FBXO40: variants seen among roughly 807,000 people sequenced by gnomAD.
FBXO40 encodes F-box protein 40, also known as F-box only protein 40.
A neutral mutation model predicts 49.9 loss-of-function variants in FBXO40; 50 were observed. The observed-to-expected ratio is 1.00, with a 90% CI of 0.80 to 1.27. The LOEUF (loss-of-function observed/expected upper bound fraction) is 1.27, where lower values mean the gene tolerates loss of function less well. FBXO40 is among the 50% of genes most tolerant of loss of function. The pLI is 0.00. For synonymous variants in FBXO40, 340 were observed against 320.2 expected, an observed-to-expected ratio of 1.06 and a Z score of -0.66; for missense variants, 895 against 870.1, an observed-to-expected ratio of 1.03 and a Z score of -0.36.
rs1444673229 is a variant in FBXO40 at position 121,626,746 on chromosome 3, G to C, written c.1966G>C (p.Glu656Gln). 1.9e-6 allele frequency: 3 copies of C among 1,614,170 alleles called. No homozygotes were observed. The highest frequency in any genetic ancestry group is 2.5e-6 in the Non-Finnish European group (3 of 1,180,022). The change falls in exon 4 of 4, where the codon GAA becomes CAA. Residue 656 changes from glutamate (E) to glutamine (Q), a missense_variant. Physicochemically the swap from Glu to Gln is conservative, Grantham distance 29 (BLOSUM62 2). Coordinates refer to ENST00000338040, the MANE Select transcript of FBXO40 (RefSeq NM_016298.4). ...FSKIKSWEFN[E>Q]VTSMSEHLKS... ...CAAAATCAAGAGCTGGGAGTTTAAT[G>C]AAGTCACCTCCATGTCTGAGCACCT...
intron 1 of FBXO40, among the ~76,000 whole-genome samples, chr3:121,606,500 C>G (rs768145432): frequency 7.2e-5 from 11 of 152,150 alleles, no homozygotes; most frequent in Non-Finnish European, 1.3e-4. Context: ...GGTTAAATAC[C>G]CTAGTTGAAC....
At chr3:121,609,086 C>T (rs1301434740) in intron 1 of FBXO40, among the ~76,000 whole-genome samples, 1 of 152,072 alleles carries the variant, frequency 6.6e-6, no homozygotes, top group Non-Finnish European at 1.5e-5. Flanking sequence ...CCTAAAAAGG[C>T]CCACATAGGT....
chr3:121,614,459 G>A (rs923610942), intron 1 of FBXO40, among the ~76,000 whole-genome samples: 1 of 151,386 alleles, frequency 6.6e-6, no homozygotes, highest in African/African-American at 2.4e-5. Context: ...AAAAGAAAAA[G>A]AAAATGCTAA....
chr3:121,626,758 A>G lies in FBXO40; in HGVS notation c.1978A>G (p.Met660Val), dbSNP rs2049063225. The change falls in exon 4 of 4, where the codon ATG becomes GTG. Residue 660 changes from methionine to valine, a missense_variant. Met to Val is a conservative substitution (Grantham distance 21). Coordinates refer to ENST00000338040, the MANE Select transcript of FBXO40 (RefSeq NM_016298.4). ...CTGGGAGTTTAATGAAGTCACCTCC[A>G]TGTCTGAGCACCTGAAGTCCTGTCC... ...KSWEFNEVTS[M>V]SEHLKSCPFN... is the part of the protein sequence containing the mutation. 6.2e-7 allele frequency: 1 copy of G among 1,614,174 alleles called. No individual in the cohort carries two copies. The highest frequency in any genetic ancestry group is 8.5e-7 in the Non-Finnish European group (1 of 1,180,034).
At position 121,627,138 on chromosome 3, in the gene FBXO40, T is replaced by G; in HGVS notation, c.*228T>G. The G allele has an allele frequency of 3.8e-6, 2 of 527,716 alleles. No individual in the cohort carries two copies. The highest frequency in any genetic ancestry group is 6.8e-6 in the Non-Finnish European group (2 of 295,638). The allele number at this position is 527,716 out of a possible 1,614,324, so 32.7% of individuals were successfully genotyped here. A position where few individuals can be genotyped will look rare whatever the true frequency, so the allele number is the denominator to read the frequency against. On this transcript the variant is annotated 3_prime_UTR_variant, in exon 4 of 4. Coordinates refer to ENST00000338040, the MANE Select transcript of FBXO40 (RefSeq NM_016298.4). Reference sequence around the variant, plus strand: ...TGATGACTTGTTTCCTTTTTTCTTTTCTTTTCTTTTCTTTTTTCTTTCTTT... The same window carrying G: ...TGATGACTTGTTTCCTTTTTTCTTTGCTTTTCTTTTCTTTTTTCTTTCTTT...
chr3:121,603,757 C>T (rs1229970028), intron 1 of FBXO40, among the ~76,000 whole-genome samples: 4 of 151,920 alleles, frequency 2.6e-5, no homozygotes, highest in African/African-American at 9.7e-5. Context: ...CTCACTCTGT[C>T]GCCCAGGCTG....
intron 2 of FBXO40, 86 bp from the exon 3 acceptor site, chr3:121,621,347 T>TG (rs2049028334): frequency 2.5e-6 from 3 of 1,208,698 alleles, no homozygotes; most frequent in Middle Eastern, 2.7e-4. Flanking sequence ...ACAGGAAATA[T>TG]GTCAATTAAA....
intron 1 of FBXO40, among the ~76,000 whole-genome samples, chr3:121,599,234 G>A (rs1218700140): frequency 2.6e-5 from 4 of 152,124 alleles, no homozygotes; most frequent in Non-Finnish European, 5.9e-5. Context: ...TTGGGAGGCC[G>A]AGGTGGGCGG....
At chr3:121,612,689 C>T (rs188828223) in intron 1 of FBXO40, among the ~76,000 whole-genome samples, 14 of 152,102 alleles carry the variant, frequency 9.2e-5, no homozygotes, top group Admixed American at 7.2e-4. Context: ...CAAATCAAGC[C>T]GAAGTATAGT....
chr3:121,613,863 T>A (rs1388277356), intron 1 of FBXO40, among the ~76,000 whole-genome samples: 1 of 152,238 alleles, frequency 6.6e-6, no homozygotes, highest in East Asian at 1.9e-4. Flanking sequence ...CCGGGCATTG[T>A]GGCTCACGCC....
Position 121,627,966 on chromosome 3 carries a change from G to C in FBXO40, c.*1056G>C. 1 of 398,542 alleles carries C rather than the reference G, an allele frequency of 2.5e-6. No homozygotes were observed. The allele number at this position is 398,542 out of a possible 1,614,324, so 24.7% of individuals were successfully genotyped here. On this transcript the variant is annotated 3_prime_UTR_variant, in exon 4 of 4. Coordinates refer to ENST00000338040, the MANE Select transcript of FBXO40 (RefSeq NM_016298.4). ...GAGAGGAAGACATGTGAACATAACG[G>C]CTCCCTGAAATTGCTCCTACCCATC...
Position 121,621,814 on chromosome 3 carries a change from C to T in FBXO40, c.385C>T (p.Leu129=), listed in dbSNP as rs1017101413. ...CAGTGAGGAGTGTTTGGACACAGCC[C>T]TGGCCCTGCAGGATCAGAAGGTCCT... The part of the protein sequence containing the change: ...TPSEECLDTA[L]ALQDQKVLFR... Residue 129 remains leucine (L), a synonymous_variant, in exon 3 of 4, where the codon CTG becomes TTG. Transcript: ENST00000338040. 6 of 1,614,072 alleles carry T rather than the reference C, an allele frequency of 3.7e-6. No individual in the cohort carries two copies. The highest frequency in any genetic ancestry group is 3.3e-5 in the Admixed American group (2 of 60,006).
chr3:121,613,802 G>A (rs1437689534), intron 1 of FBXO40, among the ~76,000 whole-genome samples: 1 of 152,168 alleles, frequency 6.6e-6, no homozygotes, highest in Non-Finnish European at 1.5e-5. Flanking sequence ...GACAAGTGGC[G>A]AATTAAGTCA....
At chr3:121,615,983 C>T (rs2048995638) in intron 1 of FBXO40, among the ~76,000 whole-genome samples, 1 of 152,156 alleles carries the variant, frequency 6.6e-6, no homozygotes, top group South Asian at 2.1e-4. Context: ...AATCACTTCT[C>T]TAAGGCCCCA....
At position 121,629,640 on chromosome 3, in the gene FBXO40, C is replaced by A. The variant is rs1434015099; in HGVS notation, c.*2730C>A. On this transcript the variant is annotated 3_prime_UTR_variant, in exon 4 of 4. Transcript: ENST00000338040. ...GCCTTGGTTCAGGAGAGTGGCACTG[C>A]CCACAACTGCTTTGTGGGTTGTGCA... The A allele has an allele frequency of 1.3e-5, 2 of 152,166 alleles. No homozygotes were observed. The highest frequency in any genetic ancestry group is 2.4e-5 in the African/African-American group (1 of 41,422). The allele number at this position is 152,166 out of a possible 1,614,324, so 9.4% of individuals were successfully genotyped here. A position where few individuals can be genotyped will look rare whatever the true frequency, so the allele number is the denominator to read the frequency against.
chr3:121,600,691 AAGAC>A (rs1200849135), intron 1 of FBXO40, among the ~76,000 whole-genome samples: 1 of 152,222 alleles, frequency 6.6e-6, no homozygotes, highest in Non-Finnish European at 1.5e-5. Flanking sequence ...ATAGAGTTTG[AAGAC>A]AGACAGGCCT....
rs762041808 is a variant in FBXO40 at position 121,622,123 on chromosome 3, A to C, written c.694A>C (p.Thr232Pro). 2 of 1,614,104 alleles carry C rather than the reference A, an allele frequency of 1.2e-6. No homozygotes were observed. Among genetic ancestry groups the C allele is most frequent in the East Asian group, 4.5e-5 (2 of 44,900 alleles). ...CAAAGAGCACGCAGCCTCTGCTTTA[A>C]CAAATTCATCAGCGAGCTGTGAGAG... The part of the protein sequence containing the change: ...FSKEHAASAL[T>P]NSSASCESKN... The change falls in exon 3 of 4, where the codon ACA becomes CCA. Residue 232 changes from threonine to proline, a missense_variant. By Grantham distance (38) the Thr-to-Pro change is conservative. Transcript: ENST00000338040.
At chr3:121,615,250 T>G (rs2048991018) in intron 1 of FBXO40, among the ~76,000 whole-genome samples, 1 of 149,488 alleles carries the variant, frequency 6.7e-6, no homozygotes, top group Non-Finnish European at 1.5e-5. Context: ...ACTACTCTGT[T>G]ACAGACTAGG....
intron 1 of FBXO40, among the ~76,000 whole-genome samples, chr3:121,605,420 A>G (rs1010961089): frequency 1.3e-5 from 2 of 152,204 alleles, no homozygotes; most frequent in African/African-American, 4.8e-5. Flanking sequence ...AGATAAGTCC[A>G]TTTGTTGCAG....
Sources: gnomAD v4.1 joint callset for allele counts (sites outside exome capture counted in the v4.1 genomes callset) on GRCh38, gnomAD v4.1.1 for gene constraint, MANE v1.5 for transcripts, NCBI Gene and HGNC (gene_info 2026-07-23, HGNC 2026-07-21) for gene names.